The following DCDC1 variants were observed in gnomAD, a reference collection of about 807,000 sequenced individuals.
DCDC1 encodes doublecortin domain containing 1.
Under a neutral mutation model 178.3 loss-of-function variants are expected in DCDC1, and 200 were observed. The observed-to-expected ratio is 1.12, with a 90% CI of 1.00 to 1.26. DCDC1 has a LOEUF of 1.26. Among genes scored for constraint, DCDC1 ranks in the 50% most tolerant of loss-of-function variants. The pLI, the probability that DCDC1 is intolerant of heterozygous loss-of-function variation, is 0.00. For synonymous variants in DCDC1, 690 were observed against 604.8 expected, an observed-to-expected ratio of 1.14 and a Z score of -2.07; for missense variants, 1,983 against 1,749.2, an observed-to-expected ratio of 1.13 and a Z score of -2.38.
intron 9 of DCDC1, among the ~76,000 whole-genome samples, chr11:31,223,133 T>G (rs984379067): frequency 2.0e-5 from 3 of 152,146 alleles, no homozygotes; most frequent in African/African-American, 7.2e-5. Flanking sequence ...ACTCAATAAT[T>G]TTCAATTTGA....
At chr11:31,294,163 CT>C (rs1947431952) in intron 6 of DCDC1, among the ~76,000 whole-genome samples, 1 of 152,084 alleles carries the variant, frequency 6.6e-6, no homozygotes, top group Non-Finnish European at 1.5e-5. Context: ...AGTGTAAGGT[CT>C]CTTTGAACAG....
intron 38 of DCDC1, among the ~76,000 whole-genome samples, chr11:30,869,958 T>A (rs746430796): frequency 1.3e-5 from 2 of 152,078 alleles, no homozygotes; most frequent in Non-Finnish European, 2.9e-5. Context: ...AAGAATTCGA[T>A]AGAAGCAAGG....
chr11:30,864,868 AT>A lies in DCDC1; in HGVS notation c.*504del, dbSNP rs1166409868. The A allele has an allele frequency of 6.6e-6, 1 of 152,212 alleles. No individual in the cohort carries two copies. The highest frequency in any genetic ancestry group is 1.5e-5 in the Non-Finnish European group (1 of 68,042). The allele number at this position is 152,212 out of a possible 1,614,324, so 9.4% of individuals were successfully genotyped here. ...GCTCTCGATTATGGTATGTCATACT[AT>A]GAATTTATGGATATATTGTCTCATT... On this transcript the variant is annotated 3_prime_UTR_variant, in exon 39 of 39. Transcript: ENST00000684477.
intron 36 of DCDC1, among the ~76,000 whole-genome samples, chr11:30,891,125 C>CT (rs1006402512): frequency 6.6e-5 from 10 of 152,176 alleles, no homozygotes; most frequent in Admixed American, 2.0e-4. Flanking sequence ...TTTTAAAACT[C>CT]TGTCAATTTG....
At chr11:31,237,194 C>T (rs1275126503) in intron 9 of DCDC1, among the ~76,000 whole-genome samples, 1 of 151,840 alleles carries the variant, frequency 6.6e-6, no homozygotes, top group Non-Finnish European at 1.5e-5. Flanking sequence ...AGTGAGCCAA[C>T]ATTAACTTAC....
rs11407483 is a variant in DCDC1 at position 31,310,308 on chromosome 11, A to ATTTTTTTTTTTTTTTTTTTTTTTTT, written c.165-2425_165-2401dup. ...GAGGACAGGTTTTCAGTAATTCTTG[A>ATTTTTTTTTTTTTTTTTTTTTTTTT]TTTTTTTTTTTTTTTTTTTTTTTTT... On this transcript the variant is annotated intron_variant, in intron 3 of 38. Transcript: ENST00000684477. 3.7e-5 allele frequency among the ~76,000 whole-genome samples: 2 copies of ATTTTTTTTTTTTTTTTTTTTTTTTT among 53,864 alleles called. 1 individual carries two copies. Among genetic ancestry groups the ATTTTTTTTTTTTTTTTTTTTTTTTT allele is most frequent in the African/African-American group, 1.7e-4 (2 of 11,714 alleles). The allele number at this position is 53,864 out of a possible 152,430, so 35.3% of individuals were successfully genotyped here.
intron 20 of DCDC1, among the ~76,000 whole-genome samples, chr11:31,042,969 T>G (rs762758739): frequency 1.3e-5 from 2 of 152,188 alleles, no homozygotes; most frequent in African/African-American, 4.8e-5. Context: ...GAAATGCTTC[T>G]AGGCGACTTT....
intron 9 of DCDC1, among the ~76,000 whole-genome samples, chr11:31,206,472 G>C (rs1409329179): frequency 1.3e-5 from 2 of 152,158 alleles, no homozygotes; most frequent in Non-Finnish European, 2.9e-5. Flanking sequence ...GGAGTGCAGT[G>C]GAGTGAACTC....
At chr11:31,346,127 G>T (rs1447595204) in intron 1 of DCDC1, among the ~76,000 whole-genome samples, 1 of 152,052 alleles carries the variant, frequency 6.6e-6, no homozygotes, top group Admixed American at 6.6e-5. Flanking sequence ...AACTTCTAGG[G>T]TTTTTTCTCA....
At chr11:31,046,008 G>A (rs2135381938) in intron 20 of DCDC1, among the ~76,000 whole-genome samples, 1 of 152,170 alleles carries the variant, frequency 6.6e-6, no homozygotes, top group South Asian at 2.1e-4. Flanking sequence ...ATGCACTCAT[G>A]TGTGTGTGTT....
intron 34 of DCDC1, among the ~76,000 whole-genome samples, chr11:30,897,321 G>T (rs1470593182): frequency 2.6e-5 from 4 of 152,206 alleles, no homozygotes; most frequent in Admixed American, 2.6e-4. Flanking sequence ...GGACGCAGTG[G>T]CTCATGCCTG....
chr11:31,063,644 C>T (rs1040110632), intron 20 of DCDC1, among the ~76,000 whole-genome samples: 10 of 151,952 alleles, frequency 6.6e-5, no homozygotes, highest in African/African-American at 1.7e-4. Context: ...TTTGGGAGAG[C>T]GAAGTGGGAG....
At chr11:30,993,616 A>G (rs1358655375) in intron 20 of DCDC1, among the ~76,000 whole-genome samples, 2 of 152,158 alleles carry the variant, frequency 1.3e-5, no homozygotes, top group African/African-American at 4.8e-5. Flanking sequence ...ATCAGAAATG[A>G]AAAACAAGAC....
intron 21 of DCDC1, among the ~76,000 whole-genome samples, chr11:30,939,373 A>G (rs1313382837): frequency 6.6e-6 from 1 of 152,208 alleles, no homozygotes; most frequent in Non-Finnish European, 1.5e-5. Flanking sequence ...TGTGAGAAAC[A>G]CACTCACCCG....
chr11:31,308,368 T>C (rs1198522193), intron 3 of DCDC1, among the ~76,000 whole-genome samples: 1 of 152,224 alleles, frequency 6.6e-6, no homozygotes, highest in African/African-American at 2.4e-5. Context: ...CTCAAGAAAC[T>C]TGCAAACAAT....
At chr11:30,987,908 A>C (rs1436718160) in intron 20 of DCDC1, among the ~76,000 whole-genome samples, 2 of 152,158 alleles carry the variant, frequency 1.3e-5, no homozygotes, top group African/African-American at 4.8e-5. Context: ...GAAGCCAAAA[A>C]ATTGGATGCC....
chr11:30,941,914 G>A (rs1238283748), intron 21 of DCDC1, among the ~76,000 whole-genome samples: 1 of 152,104 alleles, frequency 6.6e-6, no homozygotes, highest in African/African-American at 2.4e-5. Flanking sequence ...CAGTTTAAAT[G>A]TTTTTTCCTT....
At chr11:31,053,111 G>C (rs1434593396) in intron 20 of DCDC1, among the ~76,000 whole-genome samples, 1 of 151,934 alleles carries the variant, frequency 6.6e-6, no homozygotes, top group Non-Finnish European at 1.5e-5. Context: ...AAAAGAGAGA[G>C]AATATCCAAA....
intron 20 of DCDC1, among the ~76,000 whole-genome samples, chr11:30,983,607 T>C (rs1950496060): frequency 3.3e-5 from 5 of 152,240 alleles, no homozygotes; most frequent in Admixed American, 3.3e-4. Flanking sequence ...GTGTTTTCCA[T>C]GATATCTGAA....
Sources: allele counts gnomAD v4.1 joint callset (sites outside exome capture counted in the v4.1 genomes callset), GRCh38; gene constraint gnomAD v4.1.1; transcripts MANE v1.5; gene names NCBI Gene and HGNC (gene_info 2026-07-23, HGNC 2026-07-21).